Variants in MAGI1 observed in about 807,000 individuals in gnomAD.
MAGI1 encodes membrane associated guanylate kinase, WW and PDZ domain containing 1, also known as membrane-associated guanylate kinase, WW and PDZ domain-containing protein 1.
MAGI1 carries 58 observed loss-of-function variants against 139.9 expected under a neutral mutation model. The observed-to-expected ratio is 0.41, with a 90% CI of 0.34 to 0.52. The LOEUF (loss-of-function observed/expected upper bound fraction) is 0.52. Ranked by LOEUF, MAGI1 falls within the 20% of genes least tolerant of loss-of-function variation. The pLI is 0.12. For synonymous variants in MAGI1, 812 were observed against 737.9 expected (o/e 1.10, Z -1.63); for missense variants, 1,874 against 1,901.6 (o/e 0.99, Z 0.27).
intron 1 of MAGI1, among the ~76,000 whole-genome samples, chr3:65,861,634 G>A (rs1391430286): frequency 6.6e-6 from 1 of 152,060 alleles, no homozygotes; most frequent in Non-Finnish European, 1.5e-5. Flanking sequence ...TCTGTCCAAG[G>A]AGGCAATGAA....
chr3:65,695,126 C>G (rs1182085178), intron 1 of MAGI1, among the ~76,000 whole-genome samples: 2 of 152,164 alleles, frequency 1.3e-5, no homozygotes, highest in Admixed American at 6.5e-5. Flanking sequence ...CCATTCTCTT[C>G]TACTCCCCTG....
At chr3:65,479,107 C>G (rs537755568) in intron 3 of MAGI1, among the ~76,000 whole-genome samples, 1 of 152,158 alleles carries the variant, frequency 6.6e-6, no homozygotes, top group Non-Finnish European at 1.5e-5. Flanking sequence ...AATTGGTCAT[C>G]TTTTTACATA....
intron 2 of MAGI1, among the ~76,000 whole-genome samples, chr3:65,549,887 C>G (rs573121249): frequency 6.6e-6 from 1 of 152,110 alleles, no homozygotes; most frequent in South Asian, 2.1e-4. Flanking sequence ...GAGAGCTGAA[C>G]CTTTCATTAT....
At chr3:65,700,118 T>G (rs2089494521) in intron 1 of MAGI1, among the ~76,000 whole-genome samples, 1 of 152,116 alleles carries the variant, frequency 6.6e-6, no homozygotes, top group Non-Finnish European at 1.5e-5. Context: ...AAATATGACA[T>G]TCCTTATAAG....
At chr3:65,662,814 T>A (rs1023512788) in intron 1 of MAGI1, among the ~76,000 whole-genome samples, 6 of 152,178 alleles carry the variant, frequency 3.9e-5, no homozygotes, top group Non-Finnish European at 8.8e-5. Context: ...TTACCACACA[T>A]AACTACAACT....
At chr3:65,920,213 G>T (rs905989172) in intron 1 of MAGI1, among the ~76,000 whole-genome samples, 1 of 152,142 alleles carries the variant, frequency 6.6e-6, no homozygotes, top group African/African-American at 2.4e-5. Context: ...TATTTAAAGA[G>T]CTGGTTTCCA....
At chr3:65,701,387 G>A (rs528029859) in intron 1 of MAGI1, among the ~76,000 whole-genome samples, 120 of 152,268 alleles carry the variant, frequency 7.9e-4, no homozygotes, top group African/African-American at 2.8e-3. Flanking sequence ...CAAGTAGCTA[G>A]GATTACAAGC....
At chr3:65,528,667 A>G (rs946526630) in intron 2 of MAGI1, among the ~76,000 whole-genome samples, 32 of 152,198 alleles carry the variant, frequency 2.1e-4, no homozygotes, top group Admixed American at 1.9e-3. Context: ...CAGAGAACAA[A>G]TGCTCAGCAA....
intron 1 of MAGI1, among the ~76,000 whole-genome samples, chr3:65,655,904 T>A (rs56059111): frequency 0.06 from 9,189 of 152,290 alleles, 323 homozygotes; most frequent in Non-Finnish European, 0.078. Context: ...ACACTTTGTG[T>A]GAGAAGTCAT....
Position 65,354,424 on chromosome 3 carries a change from A to G in MAGI1, c.*1954T>C, listed in dbSNP as rs537386960. The G allele has an allele frequency of 1.3e-5, 2 of 152,796 alleles. No individual in the cohort carries two copies. The highest frequency in any genetic ancestry group is 4.1e-4 in the South Asian group (2 of 4,826). 9.5% of individuals were successfully genotyped at this position (152,796 alleles called of 1,614,324 possible). On this transcript the variant is annotated 3_prime_UTR_variant, in exon 23 of 23. Coordinates refer to ENST00000402939, the MANE Select transcript of MAGI1 (RefSeq NM_001033057.2). ...ACCCATAAGTCAAATAAAGCTATGAACAATGTAATATTTATATATGCATAG... is the reference window on the plus strand; with the variant it reads ...ACCCATAAGTCAAATAAAGCTATGAGCAATGTAATATTTATATATGCATAG...
At chr3:65,849,849 ATG>A (rs2059145388) in intron 1 of MAGI1, among the ~76,000 whole-genome samples, 2 of 152,164 alleles carry the variant, frequency 1.3e-5, no homozygotes, top group African/African-American at 2.4e-5. Context: ...TAAAGATTTG[ATG>A]TCAGTGTTTG....
intron 2 of MAGI1, among the ~76,000 whole-genome samples, chr3:65,601,147 C>T (rs902040324): frequency 1.3e-5 from 2 of 152,178 alleles, no homozygotes; most frequent in Admixed American, 6.5e-5. Context: ...CCTCTAAATG[C>T]TTGCTCTGCA....
At chr3:65,451,802 G>T (rs962452978) in intron 6 of MAGI1, among the ~76,000 whole-genome samples, 1 of 151,818 alleles carries the variant, frequency 6.6e-6, no homozygotes, top group Admixed American at 6.6e-5. Flanking sequence ...ATGCCAACAC[G>T]CCTAGCTAAT....
chr3:65,827,399 CAA>C (rs145490877), intron 1 of MAGI1, among the ~76,000 whole-genome samples: 4,193 of 150,764 alleles, frequency 0.028, 100 homozygotes, highest in South Asian at 0.041. Context: ...AAGAATATTA[CAA>C]AAAAAAACAT....
At chr3:65,622,237 T>C in intron 1 of MAGI1, 149 bp from the exon 2 acceptor site, 1 of 676,220 alleles carries the variant, frequency 1.5e-6, no homozygotes, top group Non-Finnish European at 2.7e-6. Context: ...GGTTTTCCTC[T>C]GCAGGGGTAA....
intron 4 of MAGI1, among the ~76,000 whole-genome samples, chr3:65,475,957 A>C (rs1239589449): frequency 6.6e-6 from 1 of 151,906 alleles, no homozygotes; most frequent in Non-Finnish European, 1.5e-5. Context: ...TAAATATAAT[A>C]TTTAATGGCT....
intron 1 of MAGI1, among the ~76,000 whole-genome samples, chr3:65,857,248 G>C (rs2059404839): frequency 1.3e-5 from 2 of 152,150 alleles, no homozygotes; most frequent in African/African-American, 2.4e-5. Context: ...AGAAACATGA[G>C]AGAGTACAGC....
At chr3:65,646,850 TA>T (rs2085292011) in intron 1 of MAGI1, among the ~76,000 whole-genome samples, 1 of 151,150 alleles carries the variant, frequency 6.6e-6, no homozygotes, top group African/African-American at 2.4e-5. Flanking sequence ...TCGACATAAA[TA>T]AAAAAACAAC....
intron 18 of MAGI1, 114 bp from the exon 19 acceptor site, chr3:65,365,060 T>A: frequency 1.2e-6 from 1 of 845,572 alleles, no homozygotes; most frequent in Non-Finnish European, 2.1e-6. Context: ...TCTGTCCCCA[T>A]TTCAAGCAGT....
Sources: gnomAD v4.1 joint callset for allele counts (sites outside exome capture counted in the v4.1 genomes callset) on GRCh38, gnomAD v4.1.1 for gene constraint, MANE v1.5 for transcripts, NCBI Gene and HGNC (gene_info 2026-07-23, HGNC 2026-07-21) for gene names.